FLNC: variants seen among roughly 807,000 people sequenced by gnomAD.
The protein encoded by FLNC is filamin-C.
Under a neutral mutation model 254.3 loss-of-function variants are expected in FLNC, and 91 were observed. That is an observed-to-expected ratio of 0.36 (90% confidence interval 0.30 to 0.43). The LOEUF is 0.43. FLNC is among the 20% of genes least tolerant of loss of function. The pLI is 1.00. For missense variants in FLNC, 2,853 were observed against 3,802.6 expected (o/e 0.75, Z 6.57); for synonymous variants, 1,430 against 1,577.2 (o/e 0.91, Z 2.21).
chr7:128,853,047 G>T lies in FLNC; in HGVS notation c.6208+16G>T. The T allele has an allele frequency of 1.2e-6, 2 of 1,610,690 alleles. No individual in the cohort carries two copies. The highest frequency in any genetic ancestry group is 1.1e-5 in the South Asian group (1 of 91,002). ...CGCAATGCAGGTACCTCCTGCCCCA[G>T]AGAGCCCCCATTCCAGCGGGTGCCT... On this transcript the variant is annotated intron_variant, in intron 37 of 47. Coordinates refer to ENST00000325888, the MANE Select transcript of FLNC (RefSeq NM_001458.5).
Position 128,854,019 on chromosome 7 carries a change from C to T in FLNC, c.6530C>T (p.Thr2177Ile), listed in dbSNP as rs756345989. ...TCTGCCCAGGAGCGCCTGACACGCA[C>T]CTTCACACGCAGCAGCCACACCTAC... ...MVSAQERLTR[T>I]FTRSSHTYTR... Residue 2177 changes from threonine (T) to isoleucine (I), a missense_variant, in exon 40 of 48, where the codon ACC becomes ATC. By Grantham distance (89) the Thr-to-Ile change is moderately conservative (BLOSUM62 -1). Transcript: ENST00000325888. 6.2e-7 allele frequency: 1 copy of T among 1,613,234 alleles called. No homozygotes were observed. Among genetic ancestry groups the T allele is most frequent in the South Asian group, 1.1e-5 (1 of 91,084 alleles).
rs2128939369 is a variant in FLNC at position 128,854,210 on chromosome 7, C to T, written c.6721C>T (p.Gln2241Ter). ...LGSFGSITRQQEGEASSQDMT... is the reference protein window; with the variant it reads ...LGSFGSITRQ The stretch of plus-strand genomic sequence containing the variant: ...ATCCTTCGGCAGCATCACCCGGCAG[C>T]AGGAGGGTGAGCACCGCACACTGGG... Residue 2241 changes from glutamine (Q) to a stop codon, truncating the protein, a stop_gained, in exon 40 of 48, where the codon CAG (glutamine) becomes TAG (stop). Transcript: ENST00000325888. LOFTEE classifies it high-confidence loss of function. 1 of 1,607,048 alleles carries T rather than the reference C, an allele frequency of 6.2e-7. No homozygotes were observed. Among genetic ancestry groups the T allele is most frequent in the Non-Finnish European group, 8.5e-7 (1 of 1,177,300 alleles).
chr7:128,840,072 G>A lies in FLNC; in HGVS notation c.1461G>A (p.Lys487=), dbSNP rs759126217. ...CCTCTGGGCGAGGCCTGCAGCCCAA[G>A]GGTGTTCGCGTGAAAGAGGTGGCTG... ...CRASGRGLQP[K]GVRVKEVADF... is the part of the protein sequence containing the mutation. Residue 487 remains lysine (K), a synonymous_variant, in exon 9 of 48, where the codon AAG becomes AAA. Coordinates refer to ENST00000325888, the MANE Select transcript of FLNC (RefSeq NM_001458.5). 6.2e-7 allele frequency: 1 copy of A among 1,614,142 alleles called. No individual in the cohort carries two copies. Among genetic ancestry groups the A allele is most frequent in the Non-Finnish European group, 8.5e-7 (1 of 1,180,048 alleles).
At chr7:128,851,023 C>A in intron 33 of FLNC, 80 bp downstream of exon 33, 1 of 1,571,210 alleles carries the variant, frequency 6.4e-7, no homozygotes, top group Non-Finnish European at 8.8e-7. Context: ...CCTCTTTCAA[C>A]AAATATTTAT....
chr7:128,852,771 G>T lies in FLNC; in HGVS notation c.6004+19G>T. ...CACATTGGTGAGCGTGGGGCCTCAC[G>T]GGGACCTCAGGGGTGGGGGCCCACA... is the stretch of plus-strand genomic sequence containing the variant. On this transcript the variant is annotated intron_variant, in intron 36 of 47. Coordinates refer to ENST00000325888, the MANE Select transcript of FLNC (RefSeq NM_001458.5). 6.2e-7 allele frequency: 1 copy of T among 1,613,318 alleles called. No homozygotes were observed. Among genetic ancestry groups the T allele is most frequent in the Non-Finnish European group, 8.5e-7 (1 of 1,179,770 alleles).
chr7:128,842,655 T>C lies in FLNC; in HGVS notation c.2346T>C (p.Asn782=). 6.4e-7 allele frequency: 1 copy of C among 1,552,622 alleles called. No individual in the cohort carries two copies. Reference sequence around the variant, plus strand: ...TGGAGAAGACAGGCCTCAAGGCCAATGAGCCCACCTACTTCACGGTGGACT... The same window carrying C: ...TGGAGAAGACAGGCCTCAAGGCCAACGAGCCCACCTACTTCACGGTGGACT... ...PGVEKTGLKA[N]EPTYFTVDCS... is the part of the protein sequence containing the mutation. Residue 782 remains asparagine, a synonymous_variant, in exon 15 of 48, where the codon AAT becomes AAC. Coordinates refer to ENST00000325888, the MANE Select transcript of FLNC (RefSeq NM_001458.5). This position sits in a 1 kb window ranked among gnomAD's most constrained non-coding sequence, Gnocchi z 5.4.
At chr7:128,848,516 C>T (rs765536321) in intron 26 of FLNC, 45 bp from the exon 27 acceptor site, 44 of 1,607,638 alleles carry the variant, frequency 2.7e-5, no homozygotes, top group Non-Finnish European at 3.5e-5. Flanking sequence ...CCCACCGCCC[C>T]GTCCATGCCA....
rs1422233407 is a variant in FLNC at position 128,840,079 on chromosome 7, C to T, written c.1468C>T (p.Arg490Cys). 2.2e-5 allele frequency: 35 copies of T among 1,614,008 alleles called. No individual in the cohort carries two copies. The highest frequency in any genetic ancestry group is 4.5e-5 in the East Asian group (2 of 44,900). ...GCGAGGCCTGCAGCCCAAGGGTGTT[C>T]GCGTGAAAGAGGTGGCTGACTTCAA... is the stretch of plus-strand genomic sequence containing the variant. ...SGRGLQPKGV[R>C]VKEVADFKVF... Residue 490 changes from arginine (R) to cysteine (C), a missense_variant, in exon 9 of 48, where the codon CGC becomes TGC. Arg to Cys is a radical substitution (Grantham distance 180). This residue lies in a region of FLNC where 1,573 missense variants were observed against 1,883.5 expected (regional missense o/e 0.84). Transcript: ENST00000325888.
Position 128,836,342 on chromosome 7 carries a change from G to A in FLNC, c.601+768G>A, listed in dbSNP as rs940092893. Reference sequence around the variant, plus strand: ...GGGGAGCAGAGGGTGGGAGGCGGGGGCACAGCCTCCTGGGAAGCATTCCCA... The same window carrying A: ...GGGGAGCAGAGGGTGGGAGGCGGGGACACAGCCTCCTGGGAAGCATTCCCA... On this transcript the variant is annotated intron_variant, in intron 2 of 47. Transcript: ENST00000325888. The surrounding 1 kb of genome is among the most constrained non-coding windows in gnomAD (Gnocchi z 6.0). Among the ~76,000 whole-genome samples, 36 of 152,194 alleles carry A rather than the reference G, an allele frequency of 2.4e-4. No individual in the cohort carries two copies. Among genetic ancestry groups the A allele is most frequent in the African/African-American group, 8.7e-4 (36 of 41,452 alleles).
chr7:128,836,059 G>A lies in FLNC; in HGVS notation c.601+485G>A, dbSNP rs2128933809. 6.6e-6 allele frequency among the ~76,000 whole-genome samples: 1 copy of A among 152,302 alleles called. No individual in the cohort carries two copies. Among genetic ancestry groups the A allele is most frequent in the South Asian group, 2.1e-4 (1 of 4,822 alleles). On this transcript the variant is annotated intron_variant, in intron 2 of 47. Transcript: ENST00000325888. This position sits in a 1 kb window ranked among gnomAD's most constrained non-coding sequence, Gnocchi z 6.0. Reference sequence around the variant, plus strand: ...GACCCTGGGATGACTTTGAGAAGGGGTTGAGGCTCAGGATGATGTGGGATG... The same window carrying A: ...GACCCTGGGATGACTTTGAGAAGGGATTGAGGCTCAGGATGATGTGGGATG...
intron 26 of FLNC, 85 bp downstream of exon 26, chr7:128,848,153 C>T (rs1389108282): frequency 2.0e-6 from 3 of 1,481,924 alleles, no homozygotes; most frequent in Non-Finnish European, 2.8e-6. Context: ...CTGCTGGAGT[C>T]CCCTGGGAGA....
chr7:128,842,396 C>G lies in FLNC; in HGVS notation c.2265+22C>G, dbSNP rs376635995. On this transcript the variant is annotated intron_variant, in intron 14 of 47. Coordinates refer to ENST00000325888, the MANE Select transcript of FLNC (RefSeq NM_001458.5). The surrounding 1 kb of genome is among the most constrained non-coding windows in gnomAD (Gnocchi z 5.4). ...CCGGGTGCGTCCTCCCGGCCTGCCC[C>G]GTGCCCACCACCAGGGGTCCCTGAG... is the stretch of plus-strand genomic sequence containing the variant. 1 of 1,613,232 alleles carries G rather than the reference C, an allele frequency of 6.2e-7. No individual in the cohort carries two copies. Among genetic ancestry groups the G allele is most frequent in the East Asian group, 2.2e-5 (1 of 44,866 alleles).
chr7:128,838,154 C>G, intron 6 of FLNC, 90 bp downstream of exon 6: 1 of 1,493,708 alleles, frequency 6.7e-7, no homozygotes, highest in South Asian at 1.1e-5. Context: ...TACCTCGCGC[C>G]TGCCCAGAGC....
chr7:128,857,953 G>A lies in FLNC; in HGVS notation c.7781-55G>A, dbSNP rs2128940544. ...TGCTGGCCGAGGGTCCCCTGCCTGG[G>A]GAAGAACAGGAAGCCCTTCTGACTA... On this transcript the variant is annotated intron_variant, in intron 46 of 47. Coordinates refer to ENST00000325888, the MANE Select transcript of FLNC (RefSeq NM_001458.5). This position sits in a 1 kb window ranked among gnomAD's most constrained non-coding sequence, Gnocchi z 4.5. The A allele has an allele frequency of 1.5e-6, 2 of 1,324,716 alleles. No homozygotes were observed. Among genetic ancestry groups the A allele is most frequent in the East Asian group, 2.5e-5 (1 of 40,634 alleles). 82.1% of individuals were successfully genotyped at this position (1,324,716 alleles called of 1,614,324 possible). A position where few individuals can be genotyped will look rare whatever the true frequency, so the allele number is the denominator to read the frequency against.
chr7:128,850,724 C>T, intron 32 of FLNC, 79 bp from the exon 33 acceptor site: 1 of 1,601,614 alleles, frequency 6.2e-7, no homozygotes, highest in Non-Finnish European at 8.5e-7. Flanking sequence ...AGCAGAAGCA[C>T]TCAGGACCAG....
In FLNC at chr7:128,846,818, A is replaced by G. The variant is rs1808588507; in HGVS notation, c.4201A>G (p.Lys1401Glu). ...AGCCAAGATGTCCTGCAAGGACAACAAGGATGGTAGCTGCACCGTGGAGTA... is the reference window on the plus strand; with the variant it reads ...AGCCAAGATGTCCTGCAAGGACAACGAGGATGGTAGCTGCACCGTGGAGTA... ...SEAKMSCKDNKDGSCTVEYIP... is the reference protein window; with the variant it reads ...SEAKMSCKDNEDGSCTVEYIP... The change falls in exon 24 of 48, where the codon AAG becomes GAG. Residue 1401 changes from lysine to glutamate, a missense_variant. By Grantham distance (56) the Lys-to-Glu change is moderately conservative. Transcript: ENST00000325888. 3.1e-6 allele frequency: 5 copies of G among 1,614,204 alleles called. No homozygotes were observed. Among genetic ancestry groups the G allele is most frequent in the Non-Finnish European group, 4.2e-6 (5 of 1,180,016 alleles).
At chr7:128,852,458 G>T in intron 35 of FLNC, 133 bp from the exon 36 acceptor site, 1 of 1,008,662 alleles carries the variant, frequency 9.9e-7, no homozygotes, top group Non-Finnish European at 1.5e-6. Flanking sequence ...CAGGCCTTGG[G>T]CCTCCGTGCA....
Position 128,840,616 on chromosome 7 carries a change from G to A in FLNC, c.1618G>A (p.Val540Met), listed in dbSNP as rs551472827. The stretch of plus-strand genomic sequence containing the variant: ...TGTGTTCGAGTGCGAGTACTACCCG[G>A]TGGTGCCTGGGAAGTATGTGGTGAC... ...DGVFECEYYP[V>M]VPGKYVVTIT... Residue 540 changes from valine to methionine, a missense_variant, in exon 10 of 48, where the codon GTG becomes ATG. Transcript: ENST00000325888. 2 of 1,614,248 alleles carry A rather than the reference G, an allele frequency of 1.2e-6. No homozygotes were observed. The highest frequency in any genetic ancestry group is 1.3e-5 in the African/African-American group (1 of 75,062).
At chr7:128,850,771 A>C in intron 32 of FLNC, 32 bp from the exon 33 acceptor site, 1 of 1,613,426 alleles carries the variant, frequency 6.2e-7, no homozygotes, top group Non-Finnish European at 8.5e-7. Context: ...GGGGGAAACC[A>C]GGGTCTCCAC....
Sources: gnomAD v4.1 joint callset for allele counts (sites outside exome capture counted in the v4.1 genomes callset) on GRCh38, gnomAD v4.1.1 for gene constraint, gnomAD v4.1.1 regional missense constraint, Gnocchi (gnomAD v3.1) non-coding constraint, MANE v1.5 for transcripts, NCBI Gene and HGNC (gene_info 2026-07-23, HGNC 2026-07-21) for gene names.